MALRD1: variants seen among roughly 807,000 people sequenced by gnomAD.
MALRD1 encodes MAM and LDL receptor class A domain containing 1.
A neutral mutation model predicts 242.1 loss-of-function variants in MALRD1; 247 were observed. That is an observed-to-expected ratio of 1.02 (90% CI 0.92 to 1.13). The LOEUF (loss-of-function observed/expected upper bound fraction) is 1.13, where lower values mean the gene tolerates loss of function less well. Among genes scored for constraint, MALRD1 ranks in the 50% most tolerant of loss-of-function variants. The pLI is 0.00. For missense variants in MALRD1, 2,989 were observed against 2,533.1 expected, an observed-to-expected ratio of 1.18 and a Z score of -3.86; for synonymous variants, 995 against 866.6, an observed-to-expected ratio of 1.15 and a Z score of -2.60.
At chr10:19,531,171 A>T in intron 31 of MALRD1, 23 bp from the exon 32 acceptor site, 1 of 1,532,448 alleles carries the variant, frequency 6.5e-7, no homozygotes, top group Non-Finnish European at 8.8e-7. Context: ...ACACTGAAAA[A>T]AATTTTGTTA....
At position 19,133,989 on chromosome 10, in the gene MALRD1, A is replaced by C. The variant is rs1588594108; in HGVS notation, c.1203+41A>C. ...AAAAAGTATTTTTTTATCATGGTTT[A>C]AGTTTTAGCTTTGCAGTAATAAATT... On this transcript the variant is annotated intron_variant, in intron 9 of 39. Coordinates refer to ENST00000454679, the MANE Select transcript of MALRD1 (RefSeq NM_001142308.3). 133 of 1,062,324 alleles carry C rather than the reference A, an allele frequency of 1.3e-4. No individual in the cohort carries two copies. In the East Asian group the frequency reaches 4.3e-3, roughly 34 times the overall value. The allele number at this position is 1,062,324 out of a possible 1,614,324, so 65.8% of individuals were successfully genotyped here.
chr10:19,138,422 A>ATTTT (rs371584010), intron 10 of MALRD1, among the ~76,000 whole-genome samples: 2 of 136,598 alleles, frequency 1.5e-5, no homozygotes, highest in Non-Finnish European at 3.2e-5. Flanking sequence ...CACGTATTTA[A>ATTTT]TTTTTTTTTT....
At chr10:19,073,781 G>C (rs753608779) in intron 2 of MALRD1, among the ~76,000 whole-genome samples, 35 of 152,178 alleles carry the variant, frequency 2.3e-4, no homozygotes, top group Non-Finnish European at 4.0e-4. Flanking sequence ...ATATATCAAG[G>C]TGTTTGTGAT....
intron 32 of MALRD1, among the ~76,000 whole-genome samples, chr10:19,544,514 A>C (rs1835121838): frequency 2.0e-5 from 3 of 151,758 alleles, no homozygotes; most frequent in Admixed American, 2.0e-4. Context: ...TGGGTTGGCT[A>C]GATTTCTGTT....
At chr10:19,048,736 A>G, upstream of MALRD1, 1 of 382,580 alleles carries the variant, frequency 2.6e-6, no homozygotes, top group East Asian at 3.8e-5. Context: ...TAATTACTCA[A>G]GTTAAATATT....
chr10:19,118,000 A>G (rs1382557751), intron 5 of MALRD1, among the ~76,000 whole-genome samples: 1 of 152,200 alleles, frequency 6.6e-6, no homozygotes, highest in Non-Finnish European at 1.5e-5. Flanking sequence ...TCAGGGAGAA[A>G]AATGGCACTA....
chr10:19,239,800 A>G (rs187210215), intron 18 of MALRD1, among the ~76,000 whole-genome samples: 1 of 152,162 alleles, frequency 6.6e-6, no homozygotes, highest in African/African-American at 2.4e-5. Context: ...TTGAAAATCA[A>G]TTGACTTTAG....
intron 36 of MALRD1, 96 bp downstream of exon 36, chr10:19,616,019 T>C: frequency 1.1e-6 from 1 of 878,072 alleles, no homozygotes; most frequent in Non-Finnish European, 1.7e-6. Flanking sequence ...AATCAGTTTG[T>C]GGTTAGTAAG....
chr10:19,580,476 C>G (rs1263842776), intron 33 of MALRD1, among the ~76,000 whole-genome samples: 2 of 152,138 alleles, frequency 1.3e-5, no homozygotes, highest in Non-Finnish European at 2.9e-5. Flanking sequence ...TGAATGACAT[C>G]GCCCATCATC....
intron 32 of MALRD1, among the ~76,000 whole-genome samples, chr10:19,564,165 C>A (rs1013096357): frequency 6.6e-6 from 1 of 152,128 alleles, no homozygotes; most frequent in African/African-American, 2.4e-5. Flanking sequence ...AATACACCAT[C>A]TATTCTGGAA....
chr10:19,064,918 G>A (rs1370923250), intron 1 of MALRD1, among the ~76,000 whole-genome samples: 15 of 152,028 alleles, frequency 9.9e-5, no homozygotes, highest in Non-Finnish European at 7.4e-5. Context: ...GTTGGCAACT[G>A]CAGTTATACC....
intron 32 of MALRD1, among the ~76,000 whole-genome samples, chr10:19,559,453 T>A (rs1835867430): frequency 6.6e-6 from 1 of 152,164 alleles, no homozygotes; most frequent in Admixed American, 6.5e-5. Flanking sequence ...TCATCCCATA[T>A]ACTTTGATTA....
chr10:19,327,027 GT>G (rs1295137325), intron 22 of MALRD1, among the ~76,000 whole-genome samples: 2 of 151,980 alleles, frequency 1.3e-5, no homozygotes, highest in African/African-American at 4.8e-5. Flanking sequence ...ATGAGAATAT[GT>G]TTGTTTCATG....
At chr10:19,451,394 G>A (rs1468024696) in intron 29 of MALRD1, among the ~76,000 whole-genome samples, 1 of 151,896 alleles carries the variant, frequency 6.6e-6, no homozygotes, top group Non-Finnish European at 1.5e-5. Flanking sequence ...TAAATGAGAA[G>A]TATAACTACA....
chr10:19,648,956 A>G (rs1033323841), intron 36 of MALRD1, among the ~76,000 whole-genome samples: 1 of 152,086 alleles, frequency 6.6e-6, no homozygotes, highest in Non-Finnish European at 1.5e-5. Flanking sequence ...AGTTCTTATC[A>G]TTGAGCCCCC....
intron 29 of MALRD1, among the ~76,000 whole-genome samples, chr10:19,458,007 C>T (rs753993401): frequency 6.6e-6 from 1 of 151,982 alleles, no homozygotes; most frequent in African/African-American, 2.4e-5. Flanking sequence ...AGACCCAGGT[C>T]ATAGCAGTTT....
chr10:19,283,144 G>A lies in MALRD1; in HGVS notation c.3382G>A (p.Gly1128Arg). ...GLGNGISIHHGEENHRPSVDH... is the reference protein window; with the variant it reads ...GLGNGISIHHREENHRPSVDH... ...TGGGAACGGGATCAGCATTCATCAT[G>A]GGGAAGAAAACCACAGGCCATCAGT... The change falls in exon 21 of 40, where the codon GGG becomes AGG. Residue 1128 changes from glycine (G) to arginine (R), a missense_variant. Physicochemically the swap from Gly to Arg is moderately radical, Grantham distance 125. Coordinates refer to ENST00000454679, the MANE Select transcript of MALRD1 (RefSeq NM_001142308.3). The A allele has an allele frequency of 6.5e-7, 1 of 1,548,664 alleles. No individual in the cohort carries two copies. The highest frequency in any genetic ancestry group is 8.7e-7 in the Non-Finnish European group (1 of 1,145,868).
intron 34 of MALRD1, among the ~76,000 whole-genome samples, chr10:19,599,976 G>A (rs1225802153): frequency 6.6e-6 from 1 of 152,092 alleles, no homozygotes; most frequent in East Asian, 1.9e-4. Context: ...GATGGGGAGA[G>A]AAGGTGGAGA....
chr10:19,476,759 A>T (rs867942094), intron 29 of MALRD1, among the ~76,000 whole-genome samples: 1 of 152,084 alleles, frequency 6.6e-6, no homozygotes, highest in Non-Finnish European at 1.5e-5. Context: ...AATAGCACTT[A>T]TTTTACAACA....
Sources: allele counts gnomAD v4.1 joint callset (sites outside exome capture counted in the v4.1 genomes callset), GRCh38; gene constraint gnomAD v4.1.1; transcripts MANE v1.5; gene names NCBI Gene and HGNC (gene_info 2026-07-23, HGNC 2026-07-21).